Variants in TMTC3 observed in about 807,000 individuals in gnomAD.
TMTC3 encodes the protein transmembrane O-mannosyltransferase targeting cadherins 3.
In TMTC3, 52 loss-of-function variants were observed where a neutral mutation model predicts 92.2. That is an observed-to-expected ratio of 0.56 (90% confidence interval 0.45 to 0.71). TMTC3 has a LOEUF of 0.71. Among genes scored for constraint, TMTC3 ranks in the 30% least tolerant of loss-of-function variants. TMTC3 has a pLI of 0.00. For missense variants in TMTC3, 896 were observed against 1,057.1 expected (o/e 0.85, Z 2.11); for synonymous variants, 339 against 363.3 (o/e 0.93, Z 0.76).
intron 12 of TMTC3, among the ~76,000 whole-genome samples, chr12:88,192,299 A>G (rs889348796): frequency 7.9e-5 from 12 of 152,042 alleles, no homozygotes; most frequent in Non-Finnish European, 1.3e-4. Context: ...TTTAAGATAA[A>G]GTCAAAGAAT....
chr12:88,193,444 T>C (rs1189150455), intron 13 of TMTC3, among the ~76,000 whole-genome samples: 1 of 152,086 alleles, frequency 6.6e-6, no homozygotes, highest in Non-Finnish European at 1.5e-5. Context: ...TATAATCTTT[T>C]TAATTTATAA....
At chr12:88,176,443 T>G in intron 10 of TMTC3, 124 bp downstream of exon 10, 2 of 647,506 alleles carry the variant, frequency 3.1e-6, no homozygotes. Flanking sequence ...TAGAGTTCAG[T>G]GCTTATTTTG....
At chr12:88,194,203 C>T (rs1028261404) in intron 13 of TMTC3, among the ~76,000 whole-genome samples, 1 of 152,082 alleles carries the variant, frequency 6.6e-6, no homozygotes, top group Non-Finnish European at 1.5e-5. Context: ...GCCTGAGTGA[C>T]ATAGTGAGAC....
intron 4 of TMTC3, among the ~76,000 whole-genome samples, chr12:88,154,998 C>T (rs933623030): frequency 3.9e-5 from 6 of 152,288 alleles, no homozygotes; most frequent in Non-Finnish European, 7.4e-5. Flanking sequence ...GATTTTCTCA[C>T]TGTAGTTCCA....
chr12:88,149,951 T>G (rs2040921731), intron 2 of TMTC3, among the ~76,000 whole-genome samples: 1 of 152,184 alleles, frequency 6.6e-6, no homozygotes, highest in Admixed American at 6.5e-5. Flanking sequence ...TTCCCTCAAT[T>G]TATGCTAGTA....
At chr12:88,143,512 G>A (rs1389933178) in intron 1 of TMTC3, among the ~76,000 whole-genome samples, 1 of 152,170 alleles carries the variant, frequency 6.6e-6, no homozygotes, top group African/African-American at 2.4e-5. Context: ...TAGTGTGATT[G>A]AACACAGATC....
At chr12:88,174,204 G>A (rs768360729) in intron 8 of TMTC3, among the ~76,000 whole-genome samples, 1 of 152,046 alleles carries the variant, frequency 6.6e-6, no homozygotes, top group African/African-American at 2.4e-5. Flanking sequence ...GGTATAAATT[G>A]TAAGTAAAAC....
At position 88,198,362 on chromosome 12, in the gene TMTC3, A is replaced by T. The variant is rs540025500; in HGVS notation, c.*2713A>T. On this transcript the variant is annotated 3_prime_UTR_variant, in exon 14 of 14. Transcript: ENST00000266712. ...GTATGCTGGTGAATGGATAGTTTTA[A>T]TTCTCACTGTCTCAAAAGAGAATCA... is the stretch of plus-strand genomic sequence containing the variant. 23 of 398,130 alleles carry T rather than the reference A, an allele frequency of 5.8e-5. No homozygotes were observed. Among genetic ancestry groups the T allele is most frequent in the South Asian group, 3.8e-4 (3 of 7,852 alleles). The allele number at this position is 398,130 out of a possible 1,614,324, so 24.7% of individuals were successfully genotyped here.
At chr12:88,155,780 C>G (rs2041001571) in intron 4 of TMTC3, among the ~76,000 whole-genome samples, 1 of 152,102 alleles carries the variant, frequency 6.6e-6, no homozygotes, top group East Asian at 1.9e-4. Context: ...ATTTCTTATT[C>G]TTTACAATTC....
intron 1 of TMTC3, among the ~76,000 whole-genome samples, chr12:88,145,961 G>A (rs932750803): frequency 6.6e-6 from 1 of 152,020 alleles, no homozygotes; most frequent in Admixed American, 6.5e-5. Flanking sequence ...CCCCATTTTT[G>A]TAAGCAAACA....
intron 1 of TMTC3, among the ~76,000 whole-genome samples, chr12:88,146,277 C>T (rs970755266): frequency 3.3e-5 from 5 of 152,024 alleles, no homozygotes; most frequent in African/African-American, 1.2e-4. Flanking sequence ...GTTATCTTGG[C>T]CCTTTTATAA....
chr12:88,198,480 C>G lies in TMTC3; in HGVS notation c.*2831C>G. The G allele has an allele frequency of 5.0e-6, 2 of 397,854 alleles. No homozygotes were observed. Among genetic ancestry groups the G allele is most frequent in the Non-Finnish European group, 8.9e-6 (2 of 225,468 alleles). The allele number at this position is 397,854 out of a possible 1,614,324, so 24.6% of individuals were successfully genotyped here. ...CTTCTTAGAAGGTAGAATTAAGTTT[C>G]TGGAATTGCACCTACATGTTTTCTT... On this transcript the variant is annotated 3_prime_UTR_variant, in exon 14 of 14. Transcript: ENST00000266712.
intron 8 of TMTC3, chr12:88,172,993 A>G (rs1178367617): frequency 4.3e-6 from 6 of 1,400,990 alleles, no homozygotes; most frequent in Non-Finnish European, 5.6e-6. Context: ...TTTGAGTCAG[A>G]TCCAAATGAA....
rs2041238875 is a variant in TMTC3 at position 88,174,532 on chromosome 12, C to T, written c.1200-75C>T. 7.4e-6 allele frequency: 11 copies of T among 1,490,632 alleles called. No individual in the cohort carries two copies. In the South Asian group the frequency reaches 1.1e-4, roughly 15 times the overall value. 92.3% of individuals were successfully genotyped at this position (1,490,632 alleles called of 1,614,324 possible). On this transcript the variant is annotated intron_variant, in intron 8 of 13. Coordinates refer to ENST00000266712, the MANE Select transcript of TMTC3 (RefSeq NM_181783.4). ...TTAGGAGCATTTAAGATACTTCTTA[C>T]CTCTGTTCTAAAAGGTAAAATGCTT...
In TMTC3 at chr12:88,196,732, T is replaced by C. The variant is rs972679519; in HGVS notation, c.*1083T>C. On this transcript the variant is annotated 3_prime_UTR_variant, in exon 14 of 14. Transcript: ENST00000266712. ...ATTTTGACTAAGCTTTCATAAAATA[T>C]TTGAAGCTATTTTAATCATCAAGTA... is the stretch of plus-strand genomic sequence containing the variant. 6.6e-6 allele frequency: 1 copy of C among 151,914 alleles called. No homozygotes were observed. Among genetic ancestry groups the C allele is most frequent in the African/African-American group, 2.4e-5 (1 of 41,438 alleles). The allele number at this position is 151,914 out of a possible 1,614,324, so 9.4% of individuals were successfully genotyped here.
At chr12:88,179,527 G>A (rs184677203) in intron 10 of TMTC3, among the ~76,000 whole-genome samples, 208 of 152,230 alleles carry the variant, frequency 1.4e-3, no homozygotes, top group African/African-American at 4.6e-3. Flanking sequence ...ATATGAGCTG[G>A]TAAGTATTAA....
chr12:88,188,301 A>C (rs2041401571), intron 10 of TMTC3, among the ~76,000 whole-genome samples: 1 of 152,124 alleles, frequency 6.6e-6, no homozygotes, highest in Non-Finnish European at 1.5e-5. Flanking sequence ...AATTCTAAAA[A>C]TCCTGATGAT....
intron 7 of TMTC3, 131 bp downstream of exon 7, chr12:88,166,713 A>C: frequency 9.5e-7 from 1 of 1,048,706 alleles, no homozygotes; most frequent in Non-Finnish European, 1.3e-6. Context: ...CAATTTATAA[A>C]CGTATTTGAG....
At chr12:88,174,482 T>C in intron 8 of TMTC3, 125 bp from the exon 9 acceptor site, 7 of 1,131,424 alleles carry the variant, frequency 6.2e-6, no homozygotes, top group Middle Eastern at 3.1e-4. Context: ...TTAGAATGAA[T>C]TAGAATAAAT....
Sources: gnomAD v4.1 joint callset for allele counts (sites outside exome capture counted in the v4.1 genomes callset) on GRCh38, gnomAD v4.1.1 for gene constraint, MANE v1.5 for transcripts, NCBI Gene and HGNC (gene_info 2026-07-23, HGNC 2026-07-21) for gene names.